The following PXDN variants were observed in gnomAD, a reference collection of about 807,000 sequenced individuals.
PXDN encodes peroxidasin homolog.
A neutral mutation model predicts 140.3 loss-of-function variants in PXDN; 77 were observed. The observed-to-expected ratio is 0.55, with a 90% CI of 0.46 to 0.66. The LOEUF is 0.66. Ranked by LOEUF, PXDN falls within the 30% of genes least tolerant of loss-of-function variation. The probability of loss-of-function intolerance (pLI) is 0.00; values close to 1 mark genes in which losing one functional copy is unlikely to be tolerated. For synonymous variants in PXDN, 911 were observed against 857.4 expected, an observed-to-expected ratio of 1.06 and a Z score of -1.09; for missense variants, 1,838 against 2,039.5, an observed-to-expected ratio of 0.90 and a Z score of 1.90.
intron 1 of PXDN, among the ~76,000 whole-genome samples, chr2:1,722,847 C>G (rs545532572): frequency 6.6e-6 from 1 of 152,254 alleles, no homozygotes; most frequent in Non-Finnish European, 1.5e-5. Flanking sequence ...CCTTCTGGAC[C>G]ACAAGCACCT....
intron 6 of PXDN, among the ~76,000 whole-genome samples, 182 bp from the exon 7 acceptor site, chr2:1,680,544 T>C (rs1683873982): frequency 6.6e-6 from 1 of 152,108 alleles, no homozygotes; most frequent in African/African-American, 2.4e-5. Flanking sequence ...CAGGGAGTGA[T>C]GTCGAGACAC....
chr2:1,657,380 G>C (rs192903061), intron 14 of PXDN, among the ~76,000 whole-genome samples: 127 of 150,448 alleles, frequency 8.4e-4, no homozygotes, highest in African/African-American at 2.9e-3. Flanking sequence ...GCCAACTCCT[G>C]ACTGAGACCT....
chr2:1,688,215 A>G (rs947138072), intron 3 of PXDN, among the ~76,000 whole-genome samples: 4 of 152,190 alleles, frequency 2.6e-5, no homozygotes, highest in East Asian at 1.9e-4. Flanking sequence ...AGAGCCACAC[A>G]ATTGGCCTGG....
At chr2:1,711,314 G>T (rs111161806) in intron 1 of PXDN, among the ~76,000 whole-genome samples, 5 of 15,688 alleles carry the variant, frequency 3.2e-4, no homozygotes, top group East Asian at 2.5e-3. Flanking sequence ...ACCAGCACCC[G>T]CTCCACCAGC....
At chr2:1,650,784 G>A (rs919990427) in intron 16 of PXDN, among the ~76,000 whole-genome samples, 5 of 152,020 alleles carry the variant, frequency 3.3e-5, no homozygotes, top group African/African-American at 9.7e-5. Flanking sequence ...ACACTTTCAC[G>A]TGTGCACATA....
rs1685073333 is a variant in PXDN, at chr2:1,722,406, G to A, written c.200+21850C>T. On this transcript the variant is annotated intron_variant, in intron 1 of 22. Transcript: ENST00000252804. ...AAATTGAGAACAGGAGAATCTCAAC[G>A]CAGAATCCATTGCGTGCAATGCATG... Among the ~76,000 whole-genome samples, 3 of 152,298 alleles carry A rather than the reference G, an allele frequency of 2.0e-5. No homozygotes were observed. In the Middle Eastern group the frequency reaches 0.01, roughly 518 times the overall value.
At chr2:1,699,368 C>T (rs1208477608) in intron 1 of PXDN, among the ~76,000 whole-genome samples, 1 of 151,164 alleles carries the variant, frequency 6.6e-6, no homozygotes, top group Non-Finnish European at 1.5e-5. Context: ...TTGACTTTTC[C>T]CATACGCAAG....
chr2:1,679,909 G>C (rs1185962641), intron 7 of PXDN, among the ~76,000 whole-genome samples: 1 of 137,622 alleles, frequency 7.3e-6, no homozygotes, highest in Non-Finnish European at 1.6e-5. Flanking sequence ...GTGTGTAAAT[G>C]GTGTGTGTGT....
At chr2:1,658,178 C>T (rs1558494670) in intron 14 of PXDN, among the ~76,000 whole-genome samples, 1 of 151,902 alleles carries the variant, frequency 6.6e-6, no homozygotes, top group Non-Finnish European at 1.5e-5. Flanking sequence ...GCAGCTCCAG[C>T]ACAGTGACTG....
intron 7 of PXDN, 76 bp downstream of exon 7, chr2:1,680,117 A>AGCTGGTGTGTGTGTG: frequency 7.2e-7 from 1 of 1,385,442 alleles, no homozygotes; most frequent in Non-Finnish European, 9.8e-7. Flanking sequence ...TTGTGTGTGT[A>AGCTGGTGTGTGTGTG]GATGGTGTGT....
At chr2:1,683,215 C>CA (rs1558507146) in intron 6 of PXDN, among the ~76,000 whole-genome samples, 1 of 132,454 alleles carries the variant, frequency 7.5e-6, no homozygotes, top group Non-Finnish European at 1.6e-5. Flanking sequence ...AACCCTGTCA[C>CA]AAAAAAAGAA....
intron 13 of PXDN, 50 bp downstream of exon 13, chr2:1,662,022 C>T (rs1197681910): frequency 4.0e-6 from 6 of 1,496,882 alleles, no homozygotes; most frequent in South Asian, 2.4e-5. Flanking sequence ...GGTGCCAGCC[C>T]GTCTACCTTG....
intron 1 of PXDN, among the ~76,000 whole-genome samples, chr2:1,711,583 A>ACTCTCCACCAGCACCCACT (rs201171596): frequency 7.5e-5 from 5 of 66,716 alleles, no homozygotes; most frequent in African/African-American, 2.5e-4. Context: ...ACCAGCACCC[A>ACTCTCCACCAGCACCCACT]CTCCACCAGC....
chr2:1,638,780 G>C, intron 21 of PXDN, 66 bp downstream of exon 21: 1 of 1,604,146 alleles, frequency 6.2e-7, no homozygotes, highest in Non-Finnish European at 8.5e-7. Context: ...TACCCAGAAG[G>C]TTCGGGCAGG....
Position 1,634,189 on chromosome 2 carries a change from G to A in PXDN, c.*15C>T. ...GATGGCACAGCAGACAAACTCTGAG[G>A]AGCCTCCCAGGAGCCTAGGGCTTTT... On this transcript the variant is annotated 3_prime_UTR_variant, in exon 23 of 23. Coordinates refer to ENST00000252804, the MANE Select transcript of PXDN (RefSeq NM_012293.3). 2 of 1,560,750 alleles carry A rather than the reference G, an allele frequency of 1.3e-6. No homozygotes were observed. The highest frequency in any genetic ancestry group is 8.7e-7 in the Non-Finnish European group (1 of 1,151,830).
At chr2:1,641,770 T>C (rs1451982482) in intron 19 of PXDN, among the ~76,000 whole-genome samples, 1 of 152,210 alleles carries the variant, frequency 6.6e-6, no homozygotes, top group East Asian at 1.9e-4. Flanking sequence ...ATGAAGTCTT[T>C]CAAAGGACTT....
At chr2:1,673,837 G>C (rs1295367481) in intron 8 of PXDN, 25 bp from the exon 9 acceptor site, 18 of 1,612,770 alleles carry the variant, frequency 1.1e-5, no homozygotes, top group South Asian at 3.3e-5. Flanking sequence ...ATATGGTCTG[G>C]TCAAGTGTTG....
Position 1,653,850 on chromosome 2 carries a change from A to T in PXDN, c.1947-65T>A. 4 of 1,424,328 alleles carry T rather than the reference A, an allele frequency of 2.8e-6. No individual in the cohort carries two copies. In the African/African-American group the frequency reaches 4.3e-5, roughly 15 times the overall value. 88.2% of individuals were successfully genotyped at this position (1,424,328 alleles called of 1,614,324 possible). On this transcript the variant is annotated intron_variant, in intron 15 of 22. Coordinates refer to ENST00000252804, the MANE Select transcript of PXDN (RefSeq NM_012293.3). ...AATTACTGAAGATAAAATTCATAGTACCCCAAAATATAATCATTGCTATTA... is the reference window on the plus strand; with the variant it reads ...AATTACTGAAGATAAAATTCATAGTTCCCCAAAATATAATCATTGCTATTA...
chr2:1,726,853 C>A (rs954786006), intron 1 of PXDN, among the ~76,000 whole-genome samples: 2 of 151,994 alleles, frequency 1.3e-5, no homozygotes, highest in South Asian at 4.2e-4. Flanking sequence ...TTTTTATTGT[C>A]CGTAATTCTT....
Sources: allele counts gnomAD v4.1 joint callset (sites outside exome capture counted in the v4.1 genomes callset), GRCh38; gene constraint gnomAD v4.1.1; transcripts MANE v1.5; gene names NCBI Gene and HGNC (gene_info 2026-07-23, HGNC 2026-07-21).